NR1H4: variants seen among roughly 807,000 people sequenced by gnomAD.
The protein encoded by NR1H4 is bile acid receptor.
NR1H4 carries 23 observed loss-of-function variants against 58.5 expected under a neutral mutation model. That is an observed-to-expected ratio of 0.39 (90% confidence interval 0.28 to 0.56). The LOEUF (loss-of-function observed/expected upper bound fraction) is 0.56. NR1H4 is among the 20% of genes least tolerant of loss of function. The pLI is 0.58. For missense variants in NR1H4, 487 were observed against 576.9 expected (o/e 0.84, Z 1.60); for synonymous variants, 214 against 198.0 (o/e 1.08, Z -0.68).
intron 6 of NR1H4, 146 bp downstream of exon 6, chr12:100,535,169 A>G (rs1414920743): frequency 1.0e-5 from 9 of 883,944 alleles, no homozygotes; most frequent in Admixed American, 8.3e-5. Context: ...TTCCTAATAC[A>G]TGCTTTGATG....
chr12:100,504,918 T>A (rs537713777), intron 3 of NR1H4, among the ~76,000 whole-genome samples: 1 of 151,888 alleles, frequency 6.6e-6, no homozygotes, highest in East Asian at 1.9e-4. Flanking sequence ...GTAGGAGAGG[T>A]GAATTCCACC....
chr12:100,556,399 G>A (rs899335784), intron 9 of NR1H4, among the ~76,000 whole-genome samples: 11 of 151,528 alleles, frequency 7.3e-5, no homozygotes, highest in African/African-American at 2.2e-4. Flanking sequence ...CCTGGGAGGC[G>A]GAGTTTGCGG....
chr12:100,553,475 A>G (rs1955253375), intron 9 of NR1H4, among the ~76,000 whole-genome samples: 1 of 152,168 alleles, frequency 6.6e-6, no homozygotes, highest in Admixed American at 6.5e-5. Context: ...TGAACCATGG[A>G]TGGGGTGCCT....
intron 9 of NR1H4, among the ~76,000 whole-genome samples, chr12:100,556,324 G>A (rs770778204): frequency 6.6e-6 from 1 of 151,804 alleles, no homozygotes; most frequent in African/African-American, 2.4e-5. Context: ...AAAATTAGCT[G>A]GGCATGGTGG....
At chr12:100,538,150 T>C (rs1277962110) in intron 8 of NR1H4, among the ~76,000 whole-genome samples, 2 of 152,138 alleles carry the variant, frequency 1.3e-5, no homozygotes, top group African/African-American at 4.8e-5. Flanking sequence ...GGTACCAGAC[T>C]GATGAAGGCC....
chr12:100,536,787 CA>C (rs1327052251), intron 7 of NR1H4, among the ~76,000 whole-genome samples, 160 bp from the exon 8 acceptor site: 1 of 152,078 alleles, frequency 6.6e-6, no homozygotes, highest in Non-Finnish European at 1.5e-5. Flanking sequence ...TGAAGTCTCC[CA>C]CCTATCTTGA....
In NR1H4 at chr12:100,561,867, T is replaced by C. The variant is rs762667753; in HGVS notation, c.1079-18T>C. 4.0e-6 allele frequency: 4 copies of C among 998,462 alleles called. No homozygotes were observed. The East Asian group carries it at 9.5e-5, about 24-fold the overall frequency. 61.9% of individuals were successfully genotyped at this position (998,462 alleles called of 1,614,324 possible). ...AGTCACTCAAAAATTGTATTATGATTGCAACTTTCCCCCACAGGTATCTCT... is the reference window on the plus strand; with the variant it reads ...AGTCACTCAAAAATTGTATTATGATCGCAACTTTCCCCCACAGGTATCTCT... On this transcript the variant is annotated intron_variant, in intron 9 of 10. Coordinates refer to ENST00000392986, the MANE Select transcript of NR1H4 (RefSeq NM_001206979.2).
chr12:100,553,763 C>G (rs992162368), intron 9 of NR1H4, among the ~76,000 whole-genome samples: 1 of 152,220 alleles, frequency 6.6e-6, no homozygotes, highest in African/African-American at 2.4e-5. Context: ...TTGACCTTCC[C>G]CACAGGCTGG....
chr12:100,540,817 TG>T lies in NR1H4; in HGVS notation c.1078+1del. On this transcript the variant is annotated frameshift_variant and splice_region_variant, in exon 9 of 11. Transcript: ENST00000392986. LOFTEE classifies it high-confidence loss of function. ...DLLEERIRNS[G>X]ISDEYITPMF... The stretch of plus-strand genomic sequence containing the variant: ...TATTGGAAGAAAGAATTCGAAATAG[TG>T]GTAAGTGATTTGGCTAATGGTAAAA... 3 of 1,614,036 alleles carry T rather than the reference TG, an allele frequency of 1.9e-6. No homozygotes were observed. The highest frequency in any genetic ancestry group is 2.5e-6 in the Non-Finnish European group (3 of 1,179,966).
chr12:100,507,096 T>G (rs754815637), intron 3 of NR1H4, among the ~76,000 whole-genome samples: 16 of 152,210 alleles, frequency 1.1e-4, no homozygotes, highest in Non-Finnish European at 2.1e-4. Flanking sequence ...AGAATCCAGA[T>G]TCTATCGGTT....
chr12:100,550,404 G>A lies in NR1H4; in HGVS notation c.1078+9586G>A, dbSNP rs193127401. On this transcript the variant is annotated intron_variant, in intron 9 of 10. Coordinates refer to ENST00000392986, the MANE Select transcript of NR1H4 (RefSeq NM_001206979.2). The stretch of plus-strand genomic sequence containing the variant: ...TTTGAGACAAAGTTTCATTCTTATC[G>A]TCCAGGCTAGAGTGCAATGGCACGA... Among the ~76,000 whole-genome samples the A allele has an allele frequency of 1.8e-3, 266 of 151,916 alleles. 1 individual carries two copies. The highest frequency in any genetic ancestry group is 6.8e-3 in the Middle Eastern group (2 of 294).
intron 9 of NR1H4, among the ~76,000 whole-genome samples, chr12:100,547,254 G>A (rs79367210): frequency 2.0e-5 from 3 of 152,028 alleles, no homozygotes; most frequent in Admixed American, 2.0e-4. Context: ...TGAACTCCCC[G>A]AGCTTAGTCA....
intron 1 of NR1H4, among the ~76,000 whole-genome samples, chr12:100,481,470 G>T (rs1593033961): frequency 6.6e-6 from 1 of 152,158 alleles, no homozygotes; most frequent in Non-Finnish European, 1.5e-5. Context: ...GGAAATTCGC[G>T]AGATTAATTA....
chr12:100,563,373 G>A lies in NR1H4; in HGVS notation c.1315G>A (p.Gly439Ser). The A allele has an allele frequency of 1.2e-6, 2 of 1,613,994 alleles. No homozygotes were observed. The highest frequency in any genetic ancestry group is 1.7e-6 in the Non-Finnish European group (2 of 1,180,004). Residue 439 changes from glycine to serine, a missense_variant, in exon 11 of 11, where the codon GGT becomes AGT. Coordinates refer to ENST00000392986, the MANE Select transcript of NR1H4 (RefSeq NM_001206979.2). Reference sequence around the variant, plus strand: ...TCCTCAACACTTTGCCTGTCTCCTGGGTCGCCTGACTGAATTACGGACATT... The same window carrying A: ...TCCTCAACACTTTGCCTGTCTCCTGAGTCGCCTGACTGAATTACGGACATT... Reference protein sequence around the residue: ...ENPQHFACLLGRLTELRTFNH... With the variant: ...ENPQHFACLLSRLTELRTFNH...
At chr12:100,526,145 A>G (rs1034790950) in intron 4 of NR1H4, among the ~76,000 whole-genome samples, 6 of 146,796 alleles carry the variant, frequency 4.1e-5, no homozygotes, top group Admixed American at 2.0e-4. Flanking sequence ...GTTTTTCTCT[A>G]TCATTTTCTT....
At chr12:100,529,390 C>T (rs903349929) in intron 4 of NR1H4, among the ~76,000 whole-genome samples, 12 of 152,138 alleles carry the variant, frequency 7.9e-5, no homozygotes, top group African/African-American at 1.9e-4. Context: ...TACCTTGCTC[C>T]GAGGAGCTTC....
chr12:100,492,963 A>G (rs930766246), intron 2 of NR1H4, among the ~76,000 whole-genome samples: 1 of 152,264 alleles, frequency 6.6e-6, no homozygotes, highest in East Asian at 1.9e-4. Flanking sequence ...TAATAAAGAC[A>G]TAGTCAAAAT....
At chr12:100,507,742 C>T (rs537120974) in intron 3 of NR1H4, among the ~76,000 whole-genome samples, 9 of 152,226 alleles carry the variant, frequency 5.9e-5, no homozygotes, top group South Asian at 2.1e-4. Flanking sequence ...GGATTACAGG[C>T]GTGAGCCACT....
intron 1 of NR1H4, among the ~76,000 whole-genome samples, chr12:100,490,787 TAAC>T (rs1953588978): frequency 6.6e-6 from 1 of 152,180 alleles, no homozygotes; most frequent in African/African-American, 2.4e-5. Flanking sequence ...GTCCTGTTAA[TAAC>T]AACAACTCAA....
Sources: allele counts gnomAD v4.1 joint callset (sites outside exome capture counted in the v4.1 genomes callset), GRCh38; gene constraint gnomAD v4.1.1; transcripts MANE v1.5; gene names NCBI Gene and HGNC (gene_info 2026-07-23, HGNC 2026-07-21).